The following CCDC141 variants were observed in gnomAD, a reference collection of about 807,000 sequenced individuals.
CCDC141 encodes the protein coiled-coil domain containing 141.
In CCDC141, 168 loss-of-function variants were observed where a neutral mutation model predicts 181.0. That is an observed-to-expected ratio of 0.93 (90% CI 0.82 to 1.05). The LOEUF (loss-of-function observed/expected upper bound fraction) is 1.05. Among genes scored for constraint, CCDC141 ranks in the 50% least tolerant of loss-of-function variants. The probability of loss-of-function intolerance (pLI) is 0.00; values close to 1 mark genes in which losing one functional copy is unlikely to be tolerated. For synonymous variants in CCDC141, 666 were observed against 642.3 expected (o/e 1.04, Z -0.56); for missense variants, 1,902 against 1,788.5 (o/e 1.06, Z -1.14).
At chr2:178,852,216 G>A (rs1685194239) in intron 20 of CCDC141, among the ~76,000 whole-genome samples, 1 of 152,198 alleles carries the variant, frequency 6.6e-6, no homozygotes, top group Non-Finnish European at 1.5e-5. Context: ...GCAGGATCTT[G>A]CAGGACGGGA....
chr2:178,990,219 C>A (rs951127991), intron 2 of CCDC141, among the ~76,000 whole-genome samples: 3 of 149,030 alleles, frequency 2.0e-5, no homozygotes, highest in Non-Finnish European at 4.4e-5. Flanking sequence ...AATCCATGTA[C>A]ATAGCTGATG....
intron 7 of CCDC141, among the ~76,000 whole-genome samples, chr2:178,914,540 G>A (rs775313893): frequency 6.6e-6 from 1 of 152,124 alleles, no homozygotes; most frequent in Non-Finnish European, 1.5e-5. Flanking sequence ...TGAACCTTGG[G>A]TAATCATCAA....
intron 2 of CCDC141, among the ~76,000 whole-genome samples, chr2:178,986,098 A>G (rs530089185): frequency 6.6e-6 from 1 of 152,352 alleles, no homozygotes; most frequent in East Asian, 1.9e-4. Flanking sequence ...ATCCAGCAGC[A>G]CATCAAAAGC....
chr2:178,915,393 T>C (rs987274383), intron 7 of CCDC141, among the ~76,000 whole-genome samples: 16 of 152,218 alleles, frequency 1.1e-4, no homozygotes, highest in Non-Finnish European at 2.2e-4. Context: ...ATCATATATT[T>C]CACTTTTTAC....
At chr2:179,007,757 TTTAAA>T in intron 2 of CCDC141, among the ~76,000 whole-genome samples, 1 of 152,334 alleles carries the variant, frequency 6.6e-6, no homozygotes, top group African/African-American at 2.4e-5. Flanking sequence ...GATTAAATGT[TTTAAA>T]ACATTTCTTT....
intron 20 of CCDC141, among the ~76,000 whole-genome samples, chr2:178,850,538 C>G (rs573630978): frequency 6.6e-6 from 1 of 152,110 alleles, no homozygotes; most frequent in East Asian, 1.9e-4. Flanking sequence ...ATCTGCCTCT[C>G]CCAAATGTAT....
At chr2:178,902,028 C>T (rs1343817448) in intron 8 of CCDC141, among the ~76,000 whole-genome samples, 4 of 152,018 alleles carry the variant, frequency 2.6e-5, no homozygotes, top group African/African-American at 9.7e-5. Context: ...GAATAAAATA[C>T]CTAGGAATCC....
At chr2:178,969,582 T>A (rs183487610) in intron 4 of CCDC141, among the ~76,000 whole-genome samples, 256 of 152,308 alleles carry the variant, frequency 1.7e-3, no homozygotes, top group Middle Eastern at 3.4e-3. Flanking sequence ...AACCTCTTCA[T>A]GCTAAAAACC....
intron 21 of CCDC141, among the ~76,000 whole-genome samples, chr2:178,847,187 T>C (rs1390681337): frequency 2.6e-5 from 4 of 152,174 alleles, no homozygotes; most frequent in Non-Finnish European, 2.9e-5. Context: ...TACCAATCCA[T>C]TGGGCATTTA....
chr2:178,929,968 C>T (rs892608525), intron 6 of CCDC141, among the ~76,000 whole-genome samples: 1 of 152,026 alleles, frequency 6.6e-6, no homozygotes, highest in African/African-American at 2.4e-5. Flanking sequence ...GAAGTAGCAG[C>T]TTTTTACAAC....
intron 2 of CCDC141, among the ~76,000 whole-genome samples, chr2:179,008,470 C>T (rs1005277756): frequency 1.3e-5 from 2 of 152,160 alleles, no homozygotes; most frequent in African/African-American, 2.4e-5. Context: ...TTCCTATTCT[C>T]CCTCTACAAC....
Position 178,961,349 on chromosome 2 carries a change from C to A in CCDC141, c.661G>T (p.Asp221Tyr). The A allele has an allele frequency of 6.4e-7, 1 of 1,550,550 alleles. No individual in the cohort carries two copies. Among genetic ancestry groups the A allele is most frequent in the Non-Finnish European group, 8.7e-7 (1 of 1,146,958 alleles). The change falls in exon 5 of 24, where the codon GAC (aspartate) becomes TAC (tyrosine). Residue 221 changes from aspartate to tyrosine, a missense_variant. By Grantham distance (160) the Asp-to-Tyr change is radical (BLOSUM62 -3). Transcript: ENST00000443758. The part of the protein sequence containing the change: ...QGAHSSCLKV[D>Y]RLLELLQDRR... Reference sequence around the variant, plus strand: ...TCTTGTAGAAGTTCAAGAAGGCGGTCAACCTTCAGACAGCTGCTATGAGCT... The same window carrying A: ...TCTTGTAGAAGTTCAAGAAGGCGGTAAACCTTCAGACAGCTGCTATGAGCT...
At chr2:178,928,388 G>T (rs916608932) in intron 6 of CCDC141, among the ~76,000 whole-genome samples, 3 of 152,204 alleles carry the variant, frequency 2.0e-5, no homozygotes, top group Non-Finnish European at 2.9e-5. Context: ...GTTGTAGGCG[G>T]TTCACAGATT....
chr2:178,895,112 T>C (rs1687345018), intron 8 of CCDC141, among the ~76,000 whole-genome samples: 1 of 152,182 alleles, frequency 6.6e-6, no homozygotes, highest in African/African-American at 2.4e-5. Flanking sequence ...GGATACTCTG[T>C]CTTAAAATAT....
At chr2:178,866,765 G>A (rs12469672) in intron 16 of CCDC141, among the ~76,000 whole-genome samples, 11,050 of 151,752 alleles carry the variant, frequency 0.073, 587 homozygotes, top group Admixed American at 0.16. Context: ...TTACTCTGTC[G>A]CCCAGGCTGG....
chr2:178,881,187 C>T (rs1390916232), intron 11 of CCDC141, among the ~76,000 whole-genome samples: 2 of 148,252 alleles, frequency 1.3e-5, no homozygotes, highest in Non-Finnish European at 3.0e-5. Context: ...GATTATTCCA[C>T]TTATGTGAAA....
At chr2:178,868,248 A>T in intron 15 of CCDC141, 43 bp from the exon 16 acceptor site, 1 of 1,549,838 alleles carries the variant, frequency 6.5e-7, no homozygotes, top group Non-Finnish European at 8.8e-7. Context: ...TTTTATATGA[A>T]GACAAATTTT....
intron 2 of CCDC141, 129 bp from the exon 3 acceptor site, chr2:178,978,804 T>C (rs1691237395): frequency 1.4e-6 from 1 of 696,022 alleles, no homozygotes; most frequent in Non-Finnish European, 2.2e-6. Flanking sequence ...ACACAAACTG[T>C]TATGCAAGAA....
intron 2 of CCDC141, among the ~76,000 whole-genome samples, chr2:179,013,891 G>C (rs1032269918): frequency 8.0e-6 from 1 of 124,250 alleles, no homozygotes; most frequent in Non-Finnish European, 1.6e-5. Context: ...CTGGGAGGTG[G>C]AACTTGCAGT....
Sources: gnomAD v4.1 joint callset for allele counts (sites outside exome capture counted in the v4.1 genomes callset) on GRCh38, gnomAD v4.1.1 for gene constraint, MANE v1.5 for transcripts, NCBI Gene and HGNC (gene_info 2026-07-23, HGNC 2026-07-21) for gene names.